VSNL1: variants seen among roughly 807,000 people sequenced by gnomAD.
The protein encoded by VSNL1 is visinin-like protein 1.
In VSNL1, 6 loss-of-function variants were observed where a neutral mutation model predicts 20.4. That is an observed-to-expected ratio of 0.29 (90% confidence interval 0.16 to 0.58). VSNL1 has a LOEUF of 0.58. VSNL1 is among the 20% of genes least tolerant of loss of function. The pLI, the probability that VSNL1 is intolerant of heterozygous loss-of-function variation, is 0.90. For synonymous variants in VSNL1, 93 were observed against 86.4 expected, an observed-to-expected ratio of 1.08 and a Z score of -0.42; for missense variants, 100 against 234.5, an observed-to-expected ratio of 0.43 and a Z score of 3.75.
At chr2:17,637,830 T>C (rs1461196100) in intron 2 of VSNL1, among the ~76,000 whole-genome samples, 2 of 152,166 alleles carry the variant, frequency 1.3e-5, no homozygotes, top group African/African-American at 4.8e-5. Context: ...AGCACTGGGC[T>C]CCTGGTAAAT....
chr2:17,655,119 A>T lies in VSNL1; in HGVS notation c.379-78A>T. On this transcript the variant is annotated intron_variant, in intron 3 of 3. Coordinates refer to ENST00000295156, the MANE Select transcript of VSNL1 (RefSeq NM_003385.5). The surrounding 1 kb of genome is among the most constrained non-coding windows in gnomAD (Gnocchi z 5.2). Reference sequence around the variant, plus strand: ...CTTGGAGGATGGGTGGGATCCCGTCAGGTGAAAGGGAGGCAAGAAGAGCTC... The same window carrying T: ...CTTGGAGGATGGGTGGGATCCCGTCTGGTGAAAGGGAGGCAAGAAGAGCTC... 7.0e-7 allele frequency: 1 copy of T among 1,436,624 alleles called. No homozygotes were observed. Among genetic ancestry groups the T allele is most frequent in the Non-Finnish European group, 9.6e-7 (1 of 1,036,588 alleles). The allele number at this position is 1,436,624 out of a possible 1,614,324, so 89.0% of individuals were successfully genotyped here.
At chr2:17,592,671 T>TTTTTTTTG (rs1664622276) in intron 2 of VSNL1, among the ~76,000 whole-genome samples, 1 of 56,162 alleles carries the variant, frequency 1.8e-5, no homozygotes, top group African/African-American at 7.0e-5. Flanking sequence ...TTTTTTTTTT[T>TTTTTTTTG]TTTTTTTTAC....
At chr2:17,606,262 A>G (rs1664942117) in intron 2 of VSNL1, among the ~76,000 whole-genome samples, 2 of 152,136 alleles carry the variant, frequency 1.3e-5, no homozygotes, top group Non-Finnish European at 2.9e-5. Flanking sequence ...AACGTCTGAT[A>G]TGGTTCCAAG....
At chr2:17,564,558 C>T (rs968066352) in intron 1 of VSNL1, among the ~76,000 whole-genome samples, 3 of 152,020 alleles carry the variant, frequency 2.0e-5, no homozygotes, top group African/African-American at 7.2e-5. Flanking sequence ...CAAAGTGTTA[C>T]TCCCCTTCCA....
chr2:17,588,205 A>G (rs1485407725), intron 1 of VSNL1, among the ~76,000 whole-genome samples: 2 of 152,168 alleles, frequency 1.3e-5, no homozygotes, highest in African/African-American at 2.4e-5. Flanking sequence ...TTAAATGCTG[A>G]TGGGTTCTCA....
chr2:17,634,155 A>G lies in VSNL1; in HGVS notation c.163-15255A>G, dbSNP rs1281762856. ...GGGCATCAAAGAGCGTGCAGTAGAG[A>G]GGTTAAGGCCTAGACTTGCAGATGC... On this transcript the variant is annotated intron_variant, in intron 2 of 3. Coordinates refer to ENST00000295156, the MANE Select transcript of VSNL1 (RefSeq NM_003385.5). The surrounding 1 kb of genome is among the most constrained non-coding windows in gnomAD (Gnocchi z 4.3). Among the ~76,000 whole-genome samples, 3 of 152,030 alleles carry G rather than the reference A, an allele frequency of 2.0e-5. No individual in the cohort carries two copies. Among genetic ancestry groups the G allele is most frequent in the Non-Finnish European group, 2.9e-5 (2 of 68,010 alleles).
chr2:17,547,221 A>G (rs1476128330), intron 1 of VSNL1, among the ~76,000 whole-genome samples: 2 of 152,060 alleles, frequency 1.3e-5, no homozygotes, highest in African/African-American at 2.4e-5. Flanking sequence ...TTAAACTCTC[A>G]GCCTCAGTTT....
At chr2:17,619,744 C>T (rs1276479634) in intron 2 of VSNL1, among the ~76,000 whole-genome samples, 4 of 152,150 alleles carry the variant, frequency 2.6e-5, no homozygotes, top group Non-Finnish European at 5.9e-5. Flanking sequence ...TATGCATTTC[C>T]TCACCTGAGG....
chr2:17,545,329 T>A (rs928786160), intron 1 of VSNL1, among the ~76,000 whole-genome samples: 3 of 152,150 alleles, frequency 2.0e-5, no homozygotes, highest in Non-Finnish European at 2.9e-5. Context: ...AATTATTTTA[T>A]GATTTATTTT....
chr2:17,586,479 AT>A (rs1664476838), intron 1 of VSNL1, among the ~76,000 whole-genome samples: 1 of 152,084 alleles, frequency 6.6e-6, no homozygotes, highest in South Asian at 2.1e-4. Context: ...TTTGGTCAGT[AT>A]TTGTCTGTTT....
intron 2 of VSNL1, among the ~76,000 whole-genome samples, chr2:17,596,848 GA>G (rs1664722270): frequency 6.6e-6 from 1 of 152,166 alleles, no homozygotes; most frequent in Admixed American, 6.5e-5. Flanking sequence ...CTATAAGGTG[GA>G]AATAATAAGA....
At chr2:17,581,651 A>C (rs1664351857) in intron 1 of VSNL1, among the ~76,000 whole-genome samples, 1 of 152,320 alleles carries the variant, frequency 6.6e-6, no homozygotes, top group Non-Finnish European at 1.5e-5. Context: ...CTCTCAAAGA[A>C]GCTTTGTTGC....
intron 1 of VSNL1, among the ~76,000 whole-genome samples, chr2:17,582,958 G>C (rs551391817): frequency 6.6e-6 from 1 of 152,076 alleles, no homozygotes; most frequent in South Asian, 2.1e-4. Context: ...CCTTCAACTA[G>C]AACATTTTAC....
chr2:17,566,936 T>C (rs1572336514), intron 1 of VSNL1, among the ~76,000 whole-genome samples: 1 of 152,338 alleles, frequency 6.6e-6, no homozygotes, highest in Admixed American at 6.5e-5. Context: ...CCCAAATGTT[T>C]AGCTCTCTGT....
intron 2 of VSNL1, among the ~76,000 whole-genome samples, chr2:17,622,584 GAAAGAAAGAAAGAAAGA>G (rs1441994943): frequency 1.6e-5 from 2 of 128,016 alleles, no homozygotes; most frequent in African/African-American, 5.7e-5. Context: ...AAGAAAGAAA[GAAAGAAAGAAAGAAAGA>G]AAAGAAAGAA....
chr2:17,574,107 A>G (rs1664145706), intron 1 of VSNL1, among the ~76,000 whole-genome samples: 1 of 152,146 alleles, frequency 6.6e-6, no homozygotes, highest in Non-Finnish European at 1.5e-5. Flanking sequence ...ATTGACTTCA[A>G]GTTTCGAAGC....
intron 1 of VSNL1, among the ~76,000 whole-genome samples, chr2:17,578,363 G>A (rs560140075): frequency 7.2e-5 from 11 of 152,344 alleles, no homozygotes; most frequent in Admixed American, 2.0e-4. Context: ...AAAGGTAAAT[G>A]TGAGGTTCAA....
At chr2:17,642,786 G>T (rs577177124) in intron 2 of VSNL1, among the ~76,000 whole-genome samples, 1 of 152,198 alleles carries the variant, frequency 6.6e-6, no homozygotes, top group Non-Finnish European at 1.5e-5. Context: ...ATCTTGTCCC[G>T]GGAGGCGAAA....
At chr2:17,609,368 C>T (rs113544522) in intron 2 of VSNL1, among the ~76,000 whole-genome samples, 143 of 152,256 alleles carry the variant, frequency 9.4e-4, no homozygotes, top group African/African-American at 3.1e-3. Context: ...AATAGCTAGC[C>T]GCAGAGAACA....
Sources: gnomAD v4.1 joint callset for allele counts (sites outside exome capture counted in the v4.1 genomes callset) on GRCh38, gnomAD v4.1.1 for gene constraint, Gnocchi (gnomAD v3.1) non-coding constraint, MANE v1.5 for transcripts, NCBI Gene and HGNC (gene_info 2026-07-23, HGNC 2026-07-21) for gene names.